Variants in KLHL7 observed in about 807,000 individuals in gnomAD.
The protein encoded by KLHL7 is kelch-like protein 7.
Under a neutral mutation model 67.4 loss-of-function variants are expected in KLHL7, and 44 were observed. The ratio of observed to expected loss-of-function variants is 0.65; its 90% CI spans 0.51 to 0.84. The LOEUF (loss-of-function observed/expected upper bound fraction) is 0.84, where lower values mean the gene tolerates loss of function less well. Among genes scored for constraint, KLHL7 ranks in the 40% least tolerant of loss-of-function variants. KLHL7 has a pLI of 0.00. For missense variants in KLHL7, 362 were observed against 718.1 expected (o/e 0.50, Z 5.67); for synonymous variants, 252 against 243.3 (o/e 1.04, Z -0.33).
intron 6 of KLHL7, 42 bp from the exon 7 acceptor site, chr7:23,152,025 G>T: frequency 6.2e-7 from 1 of 1,607,270 alleles, no homozygotes; most frequent in Non-Finnish European, 8.5e-7. Flanking sequence ...GCACTGGTTA[G>T]TGCCTGAAGT....
At chr7:23,137,484 CT>C (rs529297991) in intron 4 of KLHL7, among the ~76,000 whole-genome samples, 23,724 of 141,390 alleles carry the variant, frequency 0.17, 3,217 homozygotes, top group African/African-American at 0.39. Context: ...CCAAAACTGT[CT>C]TTTTTTTTTT....
Position 23,125,183 on chromosome 7 carries a change from T to C in KLHL7, c.442+11T>C, listed in dbSNP as rs776788303. The C allele has an allele frequency of 2.5e-6, 4 of 1,612,370 alleles. No homozygotes were observed. The African/African-American group carries it at 5.3e-5, about 22-fold the overall frequency. On this transcript the variant is annotated intron_variant, in intron 4 of 10. Transcript: ENST00000339077. ...CTTCAAATTGTCTTGGTAAGAAATA[T>C]CAGATTCCTGTTGTGTGTTTATTTT...
chr7:23,167,927 T>C lies in KLHL7; in HGVS notation c.1269T>C (p.His423=). The C allele has an allele frequency of 6.2e-7, 1 of 1,614,190 alleles. No homozygotes were observed. The highest frequency in any genetic ancestry group is 8.5e-7 in the Non-Finnish European group (1 of 1,180,018). ...KPSMLTQRCS[H]GMVEANGLIY... is the part of the protein sequence containing the mutation. ...GCATGCTGACCCAGCGCTGCAGCCA[T>C]GGGATGGTGGAAGCCAATGGCCTAA... The change falls in exon 9 of 11, where the codon CAT becomes CAC. Residue 423 remains histidine, a synonymous_variant. Coordinates refer to ENST00000339077, the MANE Select transcript of KLHL7 (RefSeq NM_001031710.3).
rs1785291890 is a variant in KLHL7, at chr7:23,176,152, T to G, written c.*1854T>G. On this transcript the variant is annotated 3_prime_UTR_variant, in exon 11 of 11. Coordinates refer to ENST00000339077, the MANE Select transcript of KLHL7 (RefSeq NM_001031710.3). Reference sequence around the variant, plus strand: ...CCATAACAAACTACTGCAAACTTGGTGGCTTTAAAGAACAGAAATTTATTC... The same window carrying G: ...CCATAACAAACTACTGCAAACTTGGGGGCTTTAAAGAACAGAAATTTATTC... The G allele has an allele frequency of 6.6e-6, 1 of 152,104 alleles. No individual in the cohort carries two copies. The highest frequency in any genetic ancestry group is 2.1e-4 in the South Asian group (1 of 4,822). 9.4% of individuals were successfully genotyped at this position (152,104 alleles called of 1,614,324 possible). A position where few individuals can be genotyped will look rare whatever the true frequency, so the allele number is the denominator to read the frequency against.
intron 6 of KLHL7, among the ~76,000 whole-genome samples, chr7:23,151,301 A>G (rs1309306094): frequency 6.6e-6 from 1 of 152,138 alleles, no homozygotes; most frequent in Non-Finnish European, 1.5e-5. Context: ...AACATAGACC[A>G]TCCTCCTTTC....
chr7:23,124,018 A>G, intron 2 of KLHL7, 139 bp downstream of exon 2: 1 of 681,280 alleles, frequency 1.5e-6, no homozygotes, highest in African/African-American at 1.8e-5. Context: ...TTGAAAAAGT[A>G]GTCAGCTGAT....
At chr7:23,133,375 G>A (rs1440930610) in intron 4 of KLHL7, among the ~76,000 whole-genome samples, 3 of 151,710 alleles carry the variant, frequency 2.0e-5, no homozygotes, top group Non-Finnish European at 4.4e-5. Flanking sequence ...TTAATTCCTA[G>A]TTATTTATGT....
chr7:23,158,820 A>C (rs1170176279), intron 7 of KLHL7, among the ~76,000 whole-genome samples: 1 of 152,164 alleles, frequency 6.6e-6, no homozygotes, highest in Non-Finnish European at 1.5e-5. Context: ...AATTGTCCTG[A>C]TGTGTGATAG....
chr7:23,125,334 T>A (rs1783528087), intron 4 of KLHL7, 162 bp downstream of exon 4: 1 of 667,988 alleles, frequency 1.5e-6, no homozygotes. Flanking sequence ...CTTAGAGAGA[T>A]GCATATTAAC....
chr7:23,122,544 A>G (rs974623707), intron 1 of KLHL7, among the ~76,000 whole-genome samples: 5 of 152,190 alleles, frequency 3.3e-5, no homozygotes, highest in African/African-American at 1.2e-4. Context: ...TCAAGACACT[A>G]TGAGAATAAA....
intron 9 of KLHL7, among the ~76,000 whole-genome samples, chr7:23,171,647 ATTG>A (rs1785164866): frequency 6.6e-6 from 1 of 152,258 alleles, no homozygotes; most frequent in Admixed American, 6.5e-5. Flanking sequence ...AGACAAAAGA[ATTG>A]TTAATACTTC....
At chr7:23,150,619 A>C (rs1784502604) in intron 6 of KLHL7, among the ~76,000 whole-genome samples, 1 of 152,304 alleles carries the variant, frequency 6.6e-6, no homozygotes. Flanking sequence ...CTTTAGATTG[A>C]TAAACTCCTA....
chr7:23,144,934 C>CAA (rs776556075), intron 6 of KLHL7, among the ~76,000 whole-genome samples: 61,711 of 139,764 alleles, frequency 0.44, 14,828 homozygotes, highest in African/African-American at 0.67. Flanking sequence ...TCCAACTCTC[C>CAA]AAAAAAAAAA....
chr7:23,142,534 T>C (rs1345235182), intron 5 of KLHL7, among the ~76,000 whole-genome samples: 3 of 152,098 alleles, frequency 2.0e-5, no homozygotes, highest in African/African-American at 7.2e-5. Flanking sequence ...ACAAGTAACA[T>C]TACACTGGAG....
At chr7:23,146,181 G>A (rs1371126031) in intron 6 of KLHL7, among the ~76,000 whole-genome samples, 1 of 152,198 alleles carries the variant, frequency 6.6e-6, no homozygotes, top group East Asian at 1.9e-4. Flanking sequence ...AAGGAGAACT[G>A]GAAGTTCAAT....
chr7:23,128,098 A>G (rs1021669384), intron 4 of KLHL7, among the ~76,000 whole-genome samples: 1 of 150,998 alleles, frequency 6.6e-6, no homozygotes, highest in Admixed American at 6.6e-5. Flanking sequence ...GCGCCACTGC[A>G]CTCTAGGCTG....
intron 4 of KLHL7, among the ~76,000 whole-genome samples, chr7:23,139,620 A>C (rs1784108795): frequency 6.6e-6 from 1 of 152,248 alleles, no homozygotes; most frequent in African/African-American, 2.4e-5. Context: ...ATCAGCTTTG[A>C]GAACCTTTAT....
At chr7:23,131,343 G>T (rs1783790609) in intron 4 of KLHL7, among the ~76,000 whole-genome samples, 1 of 151,996 alleles carries the variant, frequency 6.6e-6, no homozygotes, top group Non-Finnish European at 1.5e-5. Flanking sequence ...AATGGTTCTT[G>T]TGTATTTTGG....
intron 1 of KLHL7, among the ~76,000 whole-genome samples, chr7:23,112,292 G>A (rs1469017717): frequency 6.6e-6 from 1 of 152,184 alleles, no homozygotes; most frequent in Non-Finnish European, 1.5e-5. Context: ...CAAAGCATTG[G>A]GGAAAGGATT....
Sources: allele counts gnomAD v4.1 joint callset (sites outside exome capture counted in the v4.1 genomes callset), GRCh38; gene constraint gnomAD v4.1.1; transcripts MANE v1.5; gene names NCBI Gene and HGNC (gene_info 2026-07-23, HGNC 2026-07-21).